The following LINGO2 variants were observed in gnomAD, a reference collection of about 807,000 sequenced individuals.
The protein encoded by LINGO2 is leucine-rich repeat and immunoglobulin-like domain-containing nogo receptor-interacting protein 2.
LINGO2 carries 14 observed loss-of-function variants against 30.6 expected under a neutral mutation model. The observed-to-expected ratio is 0.46, with a 90% CI of 0.30 to 0.72. The LOEUF is 0.72. Ranked by LOEUF, LINGO2 falls within the 30% of genes least tolerant of loss-of-function variation. LINGO2 has a pLI of 0.07. For missense variants in LINGO2, 729 were observed against 751.7 expected, an observed-to-expected ratio of 0.97 and a Z score of 0.35; for synonymous variants, 317 against 288.5, an observed-to-expected ratio of 1.10 and a Z score of -1.00.
chr9:29,194,963 T>A, the LINGO2 span, among the ~76,000 whole-genome samples: 1 of 152,162 alleles, frequency 6.6e-6, no homozygotes, highest in East Asian at 1.9e-4. Context: ...CCATCTACCA[T>A]CACAGTCCAG....
chr9:29,015,275 G>A, the LINGO2 span, among the ~76,000 whole-genome samples: 1 of 152,082 alleles, frequency 6.6e-6, no homozygotes, highest in Non-Finnish European at 1.5e-5. Flanking sequence ...TAACAAAATT[G>A]CATCTGTACC....
chr9:28,151,252 A>G (rs1827992011), intron 4 of LINGO2, among the ~76,000 whole-genome samples: 1 of 152,138 alleles, frequency 6.6e-6, no homozygotes, highest in Non-Finnish European at 1.5e-5. Context: ...ATAATTCATT[A>G]TAGTAAGAGA....
intron 5 of LINGO2, among the ~76,000 whole-genome samples, chr9:28,004,570 T>C (rs1407925614): frequency 2.0e-5 from 3 of 151,900 alleles, no homozygotes; most frequent in Non-Finnish European, 4.4e-5. Flanking sequence ...TGGTAAGGAG[T>C]GTGATATATT....
At chr9:28,630,997 G>A (rs1002622945) in intron 1 of LINGO2, among the ~76,000 whole-genome samples, 1 of 151,592 alleles carries the variant, frequency 6.6e-6, no homozygotes, top group African/African-American at 2.4e-5. Context: ...TACCATTGGA[G>A]AAAACTGGGC....
the LINGO2 span, among the ~76,000 whole-genome samples, chr9:28,769,507 T>C: frequency 5.7e-4 from 2 of 3,510 alleles, no homozygotes; most frequent in African/African-American, 1.7e-3. Context: ...TATATATATA[T>C]ATATATATAT....
chr9:28,275,256 G>A (rs1364807730), intron 4 of LINGO2, among the ~76,000 whole-genome samples: 1 of 151,560 alleles, frequency 6.6e-6, no homozygotes, highest in Non-Finnish European at 1.5e-5. Flanking sequence ...TTTTTTTTTA[G>A]TAGAGATGGG....
the LINGO2 span, among the ~76,000 whole-genome samples, chr9:28,848,562 T>C: frequency 6.6e-6 from 1 of 150,588 alleles, no homozygotes; most frequent in African/African-American, 2.4e-5. Context: ...CTTGGTTTGC[T>C]CCTAAACAAA....
the LINGO2 span, among the ~76,000 whole-genome samples, chr9:28,771,276 T>TA: frequency 9.7e-4 from 148 of 152,046 alleles, 1 homozygote; most frequent in Non-Finnish European, 6.8e-4. Flanking sequence ...AGCTTTTTTT[T>TA]TTTTGGTGGA....
chr9:28,310,675 G>A (rs1461325317), intron 3 of LINGO2, among the ~76,000 whole-genome samples: 1 of 152,108 alleles, frequency 6.6e-6, no homozygotes, highest in Non-Finnish European at 1.5e-5. Flanking sequence ...GTATATTCAT[G>A]TGTCAAAACA....
chr9:29,139,337 A>T, the LINGO2 span, among the ~76,000 whole-genome samples: 3 of 152,112 alleles, frequency 2.0e-5, no homozygotes, highest in African/African-American at 7.2e-5. Context: ...GCCTATGGAA[A>T]CTCTGGGATA....
chr9:28,879,535 C>A, the LINGO2 span, among the ~76,000 whole-genome samples: 2 of 152,152 alleles, frequency 1.3e-5, no homozygotes, highest in Admixed American at 6.5e-5. Context: ...TTCCAATTAC[C>A]ACTGAAATTT....
chr9:28,053,541 C>T (rs1031610569), intron 4 of LINGO2, among the ~76,000 whole-genome samples: 1 of 152,018 alleles, frequency 6.6e-6, no homozygotes, highest in African/African-American at 2.4e-5. Flanking sequence ...AGTTCTTTCC[C>T]GGGATATCAG....
At chr9:29,106,200 C>A in the LINGO2 span, among the ~76,000 whole-genome samples, 1 of 152,064 alleles carries the variant, frequency 6.6e-6, no homozygotes, top group Non-Finnish European at 1.5e-5. Flanking sequence ...ATCTGGGTAC[C>A]TAATATATTC....
the LINGO2 span, among the ~76,000 whole-genome samples, chr9:29,055,265 C>G: frequency 1.6e-4 from 24 of 151,724 alleles, no homozygotes; most frequent in Admixed American, 1.3e-3. Context: ...ATATCTAGCA[C>G]AAAAAAAGAA....
At chr9:28,038,988 G>T in intron 4 of LINGO2, among the ~76,000 whole-genome samples, 1 of 151,184 alleles carries the variant, frequency 6.6e-6, no homozygotes, top group Non-Finnish European at 1.5e-5. Flanking sequence ...AATTCTTTTT[G>T]ATTGTGTAGC....
chr9:28,680,790 A>T, the LINGO2 span, among the ~76,000 whole-genome samples: 1 of 151,978 alleles, frequency 6.6e-6, no homozygotes, highest in East Asian at 1.9e-4. Flanking sequence ...GTCTGTTCAG[A>T]TCCTTTGCCC....
the LINGO2 span, among the ~76,000 whole-genome samples, chr9:28,907,559 T>C: frequency 2.2e-4 from 34 of 151,708 alleles, no homozygotes; most frequent in Non-Finnish European, 4.6e-4. Flanking sequence ...AATGTTATTG[T>C]GAGATGATGA....
At chr9:27,946,500 G>A (rs1284216468), downstream of LINGO2, among the ~76,000 whole-genome samples, 3 of 152,092 alleles carry the variant, frequency 2.0e-5, no homozygotes, top group African/African-American at 7.2e-5. Flanking sequence ...TTTGACAAAA[G>A]AGCAGTGAAA....
At chr9:28,120,105 C>G (rs981025919) in intron 4 of LINGO2, among the ~76,000 whole-genome samples, 1 of 152,112 alleles carries the variant, frequency 6.6e-6, no homozygotes, top group African/African-American at 2.4e-5. Flanking sequence ...TAAATTTCCT[C>G]TAAAACAAAC....
Sources: gnomAD v4.1 joint callset for allele counts (sites outside exome capture counted in the v4.1 genomes callset) on GRCh38, gnomAD v4.1.1 for gene constraint, MANE v1.5 for transcripts, NCBI Gene and HGNC (gene_info 2026-07-23, HGNC 2026-07-21) for gene names.